NEGR1: variants seen among roughly 807,000 people sequenced by gnomAD.
The protein encoded by NEGR1 is neuronal growth regulator 1, also known as IgLON family member 4.
A neutral mutation model predicts 40.9 loss-of-function variants in NEGR1; 10 were observed. That is an observed-to-expected ratio of 0.24 (90% confidence interval 0.15 to 0.42). The LOEUF (loss-of-function observed/expected upper bound fraction) is 0.42. Among genes scored for constraint, NEGR1 ranks in the 10% least tolerant of loss-of-function variants. The pLI is 1.00. For synonymous variants in NEGR1, 185 were observed against 166.8 expected (o/e 1.11, Z -0.84); for missense variants, 352 against 438.9 (o/e 0.80, Z 1.77).
At chr1:71,467,368 A>G (rs1016895481) in intron 6 of NEGR1, among the ~76,000 whole-genome samples, 4 of 152,080 alleles carry the variant, frequency 2.6e-5, no homozygotes, top group African/African-American at 7.2e-5. Context: ...AAATTATGTA[A>G]TCTGCGTTAT....
chr1:72,075,566 T>A (rs1647692314), intron 1 of NEGR1, among the ~76,000 whole-genome samples: 1 of 152,210 alleles, frequency 6.6e-6, no homozygotes, highest in Non-Finnish European at 1.5e-5. Flanking sequence ...CATCTACAGC[T>A]CATCTGCATA....
intron 5 of NEGR1, among the ~76,000 whole-genome samples, chr1:71,595,188 A>G (rs1303719043): frequency 6.6e-6 from 1 of 152,214 alleles, no homozygotes; most frequent in Non-Finnish European, 1.5e-5. Flanking sequence ...GCCTCTGGCC[A>G]GCAGTACCGT....
At chr1:71,978,259 T>C (rs886119226) in intron 1 of NEGR1, among the ~76,000 whole-genome samples, 3 of 152,182 alleles carry the variant, frequency 2.0e-5, no homozygotes, top group African/African-American at 7.2e-5. Context: ...ATATGAAAAG[T>C]GTTTGTTCTC....
At chr1:71,586,970 G>A (rs1649328671) in intron 6 of NEGR1, among the ~76,000 whole-genome samples, 1 of 152,004 alleles carries the variant, frequency 6.6e-6, no homozygotes, top group South Asian at 2.1e-4. Context: ...TCAAAGCTGC[G>A]AGGATAAAGC....
At chr1:72,184,647 C>T (rs750184208) in intron 1 of NEGR1, among the ~76,000 whole-genome samples, 1 of 151,908 alleles carries the variant, frequency 6.6e-6, no homozygotes, top group East Asian at 1.9e-4. Context: ...ATTTTAGGTC[C>T]ATAATATTAT....
At chr1:71,499,517 T>A (rs1345641461) in intron 6 of NEGR1, among the ~76,000 whole-genome samples, 1 of 148,236 alleles carries the variant, frequency 6.7e-6, no homozygotes, top group East Asian at 1.9e-4. Flanking sequence ...TATATATTAT[T>A]ATTATATATA....
Position 71,403,168 on chromosome 1 carries a change from C to A in NEGR1, c.*4278G>T, listed in dbSNP as rs1646256858. The A allele has an allele frequency of 6.6e-6, 1 of 151,966 alleles. No homozygotes were observed. Among genetic ancestry groups the A allele is most frequent in the Non-Finnish European group, 1.5e-5 (1 of 67,918 alleles). 9.4% of individuals were successfully genotyped at this position (151,966 alleles called of 1,614,324 possible). ...TATGGGAAAGAGGGCTTAAAAAATT[C>A]ATTTGGCTTGAGATCTCATTTGTAT... On this transcript the variant is annotated 3_prime_UTR_variant, in exon 7 of 7. Coordinates refer to ENST00000357731, the MANE Select transcript of NEGR1 (RefSeq NM_173808.3).
intron 3 of NEGR1, among the ~76,000 whole-genome samples, chr1:71,769,614 CTT>C (rs1656247027): frequency 6.6e-6 from 1 of 152,030 alleles, no homozygotes; most frequent in East Asian, 1.9e-4. Flanking sequence ...TGGCACTTCT[CTT>C]TGATGCCACC....
At chr1:72,219,852 T>C (rs1192310859) in intron 1 of NEGR1, among the ~76,000 whole-genome samples, 3 of 152,128 alleles carry the variant, frequency 2.0e-5, no homozygotes, top group African/African-American at 7.2e-5. Context: ...GCATCTATTA[T>C]GTATATAGTT....
intron 2 of NEGR1, among the ~76,000 whole-genome samples, chr1:71,914,277 C>T (rs1661509811): frequency 6.6e-6 from 1 of 152,168 alleles, no homozygotes; most frequent in African/African-American, 2.4e-5. Context: ...GCCAGCTTCT[C>T]TATAGACAGA....
At chr1:71,902,278 T>C (rs75695587) in intron 2 of NEGR1, among the ~76,000 whole-genome samples, 2,886 of 152,304 alleles carry the variant, frequency 0.019, 52 homozygotes, top group Middle Eastern at 0.068. Flanking sequence ...GTTAGTGTGC[T>C]TTTAGTCTAA....
chr1:71,668,462 T>C (rs1347423564), intron 4 of NEGR1, among the ~76,000 whole-genome samples: 1 of 152,158 alleles, frequency 6.6e-6, no homozygotes, highest in East Asian at 1.9e-4. Context: ...AATTAAAAGT[T>C]AGGGTTAGGG....
intron 6 of NEGR1, among the ~76,000 whole-genome samples, chr1:71,578,206 G>A (rs974278953): frequency 2.6e-5 from 4 of 151,996 alleles, no homozygotes; most frequent in African/African-American, 7.2e-5. Flanking sequence ...CTCTCTCATC[G>A]TGCTCCTATT....
At chr1:71,431,653 G>A (rs1646470448) in intron 6 of NEGR1, among the ~76,000 whole-genome samples, 1 of 151,968 alleles carries the variant, frequency 6.6e-6, no homozygotes, top group Non-Finnish European at 1.5e-5. Flanking sequence ...CTAGGCACTA[G>A]GGATATAGCA....
intron 2 of NEGR1, among the ~76,000 whole-genome samples, chr1:71,882,128 T>C (rs779890817): frequency 1.6e-4 from 24 of 152,110 alleles, no homozygotes; most frequent in South Asian, 2.1e-4. Context: ...CTGAATCCTA[T>C]AGCATGGCAC....
chr1:71,470,692 T>C (rs1218939203), intron 6 of NEGR1, among the ~76,000 whole-genome samples: 1 of 152,030 alleles, frequency 6.6e-6, no homozygotes, highest in Non-Finnish European at 1.5e-5. Context: ...GCAGCCAGGG[T>C]TAAGAAGCAT....
chr1:71,511,178 TAATA>T (rs1250408134), intron 6 of NEGR1, among the ~76,000 whole-genome samples: 14 of 152,220 alleles, frequency 9.2e-5, no homozygotes, highest in Non-Finnish European at 1.8e-4. Flanking sequence ...GCATTCAGCA[TAATA>T]TGCTCTGCAA....
intron 4 of NEGR1, among the ~76,000 whole-genome samples, chr1:71,656,680 G>A (rs1266760803): frequency 4.6e-5 from 7 of 152,170 alleles, no homozygotes; most frequent in African/African-American, 1.4e-4. Flanking sequence ...GATTACAGGC[G>A]TAAGCCACCG....
intron 1 of NEGR1, among the ~76,000 whole-genome samples, chr1:72,192,918 TA>T (rs1360407437): frequency 6.6e-6 from 1 of 151,844 alleles, no homozygotes; most frequent in African/African-American, 2.4e-5. Flanking sequence ...GATCATGTCT[TA>T]TTTGTTTCTT....
Sources: gnomAD v4.1 joint callset for allele counts (sites outside exome capture counted in the v4.1 genomes callset) on GRCh38, gnomAD v4.1.1 for gene constraint, MANE v1.5 for transcripts, NCBI Gene and HGNC (gene_info 2026-07-23, HGNC 2026-07-21) for gene names.